The following PGR variants were observed in gnomAD, a reference collection of about 807,000 sequenced individuals.
PGR encodes nuclear receptor subfamily 3 group C member 3.
Under a neutral mutation model 76.1 loss-of-function variants are expected in PGR, and 25 were observed. The ratio of observed to expected loss-of-function variants is 0.33; its 90% CI spans 0.24 to 0.46. The LOEUF (loss-of-function observed/expected upper bound fraction) is 0.46, where lower values mean the gene tolerates loss of function less well. PGR is among the 20% of genes least tolerant of loss of function. PGR has a pLI of 1.00. For synonymous variants in PGR, 579 were observed against 535.0 expected, an observed-to-expected ratio of 1.08 and a Z score of -1.14; for missense variants, 1,172 against 1,225.3, an observed-to-expected ratio of 0.96 and a Z score of 0.65.
At chr11:101,110,441 A>G (rs962671651) in intron 2 of PGR, among the ~76,000 whole-genome samples, 5 of 152,330 alleles carry the variant, frequency 3.3e-5, no homozygotes, top group East Asian at 1.9e-4. Context: ...AAGTAACTGC[A>G]TATGTGGTAG....
At position 101,116,344 on chromosome 11, in the gene PGR, C is replaced by A. The variant is rs186913642; in HGVS notation, c.1789+9663G>T. Among the ~76,000 whole-genome samples the A allele has an allele frequency of 9.2e-5, 14 of 152,274 alleles. 1 individual carries two copies. Among genetic ancestry groups the A allele is most frequent in the Middle Eastern group, 6.8e-3 (2 of 294 alleles). On this transcript the variant is annotated intron_variant, in intron 2 of 7. Transcript: ENST00000325455. ...AAGTGGCACATATGGTCACTGGACA[C>A]CATTAGGGCAGCAGAGGCTAGCTGA...
At chr11:101,127,391 C>A in intron 1 of PGR, 43 bp downstream of exon 1, 1 of 1,449,054 alleles carries the variant, frequency 6.9e-7, no homozygotes, top group Non-Finnish European at 9.2e-7. Context: ...AACGGAACCG[C>A]TACTCCCGGA....
At position 101,127,823 on chromosome 11, in the gene PGR, A is replaced by G. The variant is rs762336123; in HGVS notation, c.1248T>C (p.Asp416=). ...GCGGGGGCGGTGGCCCCAACGGGAA[A>G]TCCGGGAAGGCTGCGGGGTTGGCAC... The part of the protein sequence containing the change: ...VAGANPAAFP[D]FPLGPPPPLP... The change falls in exon 1 of 8, where the codon GAT becomes GAC. Residue 416 remains aspartate, a synonymous_variant. Transcript: ENST00000325455. 16 of 1,576,826 alleles carry G rather than the reference A, an allele frequency of 1.0e-5. 1 individual carries two copies. Among genetic ancestry groups the G allele is most frequent in the South Asian group, 1.0e-4 (9 of 88,766 alleles).
chr11:101,040,410 A>C (rs1401726068), intron 7 of PGR, among the ~76,000 whole-genome samples: 2 of 152,044 alleles, frequency 1.3e-5, no homozygotes, highest in African/African-American at 4.8e-5. Context: ...TTTTGTTATA[A>C]GACATCCTGT....
intron 6 of PGR, among the ~76,000 whole-genome samples, chr11:101,045,469 C>A (rs1004328442): frequency 3.3e-5 from 5 of 152,132 alleles, no homozygotes; most frequent in Admixed American, 3.3e-4. Context: ...TTCCAGCCTT[C>A]TAAGGCACCA....
chr11:101,053,435 T>C (rs1466700887), intron 4 of PGR, among the ~76,000 whole-genome samples: 3 of 152,304 alleles, frequency 2.0e-5, no homozygotes, highest in African/African-American at 7.2e-5. Flanking sequence ...AGAGATGCCA[T>C]AGTGAGCATT....
intron 3 of PGR, among the ~76,000 whole-genome samples, chr11:101,080,422 CA>C (rs925873507): frequency 5.3e-4 from 73 of 138,810 alleles, no homozygotes; most frequent in African/African-American, 1.8e-3. Context: ...AAAAGGGAAA[CA>C]AAAAAAATTA....
In PGR at chr11:101,030,583, C is replaced by A; in HGVS notation, c.*8533G>T. On this transcript the variant is annotated 3_prime_UTR_variant, in exon 8 of 8. Coordinates refer to ENST00000325455, the MANE Select transcript of PGR (RefSeq NM_000926.4). Reference sequence around the variant, plus strand: ...TTTCTCTTTGGCACTGGACCTTTCTCCTGGTCAGTTGGAGGCAGGCATATT... The same window carrying A: ...TTTCTCTTTGGCACTGGACCTTTCTACTGGTCAGTTGGAGGCAGGCATATT... 1 of 222,566 alleles carries A rather than the reference C, an allele frequency of 4.5e-6. No homozygotes were observed. The highest frequency in any genetic ancestry group is 9.0e-6 in the Non-Finnish European group (1 of 111,412). The allele number at this position is 222,566 out of a possible 1,614,324, so 13.8% of individuals were successfully genotyped here. A position where few individuals can be genotyped will look rare whatever the true frequency, so the allele number is the denominator to read the frequency against.
rs954141820 is a variant in PGR at position 101,029,987 on chromosome 11, G to A, written c.*9129C>T. 1.3e-5 allele frequency: 3 copies of A among 223,526 alleles called. No individual in the cohort carries two copies. The highest frequency in any genetic ancestry group is 2.7e-5 in the Non-Finnish European group (3 of 112,152). 13.8% of individuals were successfully genotyped at this position (223,526 alleles called of 1,614,324 possible). On this transcript the variant is annotated 3_prime_UTR_variant, in exon 8 of 8. Coordinates refer to ENST00000325455, the MANE Select transcript of PGR (RefSeq NM_000926.4). ...ATGAAAGGACAGTTTCACCTTCTTG[G>A]CAAAAACCTTCAGAACAATTGTCAA...
intron 3 of PGR, among the ~76,000 whole-genome samples, chr11:101,072,352 G>A (rs1400218282): frequency 5.3e-5 from 8 of 152,192 alleles, no homozygotes; most frequent in South Asian, 4.2e-4. Flanking sequence ...AGGAACAACC[G>A]GTACCAGCCA....
chr11:101,036,204 T>A lies in PGR; in HGVS notation c.*2912A>T. 1 of 221,484 alleles carries A rather than the reference T, an allele frequency of 4.5e-6. No individual in the cohort carries two copies. The highest frequency in any genetic ancestry group is 9.0e-6 in the Non-Finnish European group (1 of 110,732). The allele number at this position is 221,484 out of a possible 1,614,324, so 13.7% of individuals were successfully genotyped here. Reference sequence around the variant, plus strand: ...AGGCATAGTTTTGGCAAAAAAAATATTGTTCATCATATTTCCATATCATCT... The same window carrying A: ...AGGCATAGTTTTGGCAAAAAAAATAATGTTCATCATATTTCCATATCATCT... On this transcript the variant is annotated 3_prime_UTR_variant, in exon 8 of 8. Transcript: ENST00000325455.
Position 101,051,404 on chromosome 11 carries a change from C to A in PGR, c.2357+20G>T. On this transcript the variant is annotated intron_variant, in intron 5 of 7. Transcript: ENST00000325455. ...ACATGTACACTTAAAATAACAAAAA[C>A]AACAAAAGTTACTACTTACTCATTT... The A allele has an allele frequency of 5.1e-6, 8 of 1,554,746 alleles. No homozygotes were observed. Among genetic ancestry groups the A allele is most frequent in the Non-Finnish European group, 7.1e-6 (8 of 1,127,450 alleles).
At position 101,035,545 on chromosome 11, in the gene PGR, T is replaced by C. The variant is rs1166699067; in HGVS notation, c.*3571A>G. The C allele has an allele frequency of 8.6e-6, 2 of 232,058 alleles. No individual in the cohort carries two copies. Among genetic ancestry groups the C allele is most frequent in the Non-Finnish European group, 8.5e-6 (1 of 117,438 alleles). 14.4% of individuals were successfully genotyped at this position (232,058 alleles called of 1,614,324 possible). A position where few individuals can be genotyped will look rare whatever the true frequency, so the allele number is the denominator to read the frequency against. On this transcript the variant is annotated 3_prime_UTR_variant, in exon 8 of 8. Transcript: ENST00000325455. ...GTAATTTCTAAACCCATTGTTCCCT[T>C]TTGTGGAATTGCTGCCATAGTAAAA...
At position 101,033,919 on chromosome 11, in the gene PGR, A is replaced by G. The variant is rs192964302; in HGVS notation, c.*5197T>C. The G allele has an allele frequency of 4.5e-6, 1 of 220,966 alleles. No homozygotes were observed. The highest frequency in any genetic ancestry group is 6.7e-5 in the East Asian group (1 of 14,994). The allele number at this position is 220,966 out of a possible 1,614,324, so 13.7% of individuals were successfully genotyped here. A position where few individuals can be genotyped will look rare whatever the true frequency, so the allele number is the denominator to read the frequency against. On this transcript the variant is annotated 3_prime_UTR_variant, in exon 8 of 8. Transcript: ENST00000325455. ...ATTTGATGTATTAAGAGCAATTTCA[A>G]AAGATAATAAAAATAAGCTATAGCA...
intron 2 of PGR, among the ~76,000 whole-genome samples, chr11:101,100,304 T>C (rs1018253580): frequency 2.0e-5 from 3 of 152,206 alleles, no homozygotes; most frequent in African/African-American, 4.8e-5. Context: ...TTCTCTCTCC[T>C]GCTGCCTTGT....
At chr11:101,098,297 C>T (rs1861897342) in intron 2 of PGR, among the ~76,000 whole-genome samples, 1 of 152,100 alleles carries the variant, frequency 6.6e-6, no homozygotes, top group Admixed American at 6.5e-5. Context: ...TGTTGCTTCT[C>T]AATATGAGCA....
intron 4 of PGR, among the ~76,000 whole-genome samples, chr11:101,059,364 A>G (rs965464317): frequency 1.3e-5 from 2 of 152,074 alleles, no homozygotes; most frequent in African/African-American, 4.8e-5. Context: ...TAGAGGGAAT[A>G]TGTCTTGTTC....
At chr11:101,050,958 A>T (rs190711533) in intron 5 of PGR, 1 of 248,956 alleles carries the variant, frequency 4.0e-6, no homozygotes, top group East Asian at 1.4e-4. Context: ...CCATGAAAAG[A>T]TTCTTATTCA....
rs78509200 is a variant in PGR at position 101,035,197 on chromosome 11, T to G, written c.*3919A>C. On this transcript the variant is annotated 3_prime_UTR_variant, in exon 8 of 8. Coordinates refer to ENST00000325455, the MANE Select transcript of PGR (RefSeq NM_000926.4). Reference sequence around the variant, plus strand: ...CTTTATCAGTGGGGACCACAGTTGTTGAGCTATTGAATACAAAAATAGAGT... The same window carrying G: ...CTTTATCAGTGGGGACCACAGTTGTGGAGCTATTGAATACAAAAATAGAGT... 7.4e-3 allele frequency: 1,618 copies of G among 217,956 alleles called. 26 individuals are homozygous for G. The highest frequency in any genetic ancestry group is 0.03 in the African/African-American group (1,330 of 44,618). The allele number at this position is 217,956 out of a possible 1,614,324, so 13.5% of individuals were successfully genotyped here. A position where few individuals can be genotyped will look rare whatever the true frequency, so the allele number is the denominator to read the frequency against.
Sources: gnomAD v4.1 joint callset for allele counts (sites outside exome capture counted in the v4.1 genomes callset) on GRCh38, gnomAD v4.1.1 for gene constraint, MANE v1.5 for transcripts, NCBI Gene and HGNC (gene_info 2026-07-23, HGNC 2026-07-21) for gene names.